OSBPL3: variants seen among roughly 807,000 people sequenced by gnomAD.
The protein encoded by OSBPL3 is oxysterol-binding protein-related protein 3.
In OSBPL3, 65 loss-of-function variants were observed where a neutral mutation model predicts 120.1. The ratio of observed to expected loss-of-function variants is 0.54; its 90% CI spans 0.44 to 0.67. The LOEUF is 0.67. Among genes scored for constraint, OSBPL3 ranks in the 30% least tolerant of loss-of-function variants. The pLI, the probability that OSBPL3 is intolerant of heterozygous loss-of-function variation, is 0.00. For synonymous variants in OSBPL3, 416 were observed against 402.6 expected (o/e 1.03, Z -0.40); for missense variants, 1,004 against 1,082.1 (o/e 0.93, Z 1.01).
At chr7:24,942,504 G>C (rs934071523) in intron 1 of OSBPL3, among the ~76,000 whole-genome samples, 2 of 152,152 alleles carry the variant, frequency 1.3e-5, no homozygotes, top group Non-Finnish European at 2.9e-5. Flanking sequence ...CAGCAGAATA[G>C]GGAATCCTGC....
In OSBPL3 at chr7:24,817,598, C is replaced by A. The variant is rs1468367924; in HGVS notation, c.1949-910G>T. Reference sequence around the variant, plus strand: ...TGTGCACTGAGTGGAAATAATCAGGCCACTGATGTGATTAGACATGGACCT... The same window carrying A: ...TGTGCACTGAGTGGAAATAATCAGGACACTGATGTGATTAGACATGGACCT... On this transcript the variant is annotated intron_variant, in intron 17 of 22. Transcript: ENST00000313367. This position sits in a 1 kb window ranked among gnomAD's most constrained non-coding sequence, Gnocchi z 4.0. 6.6e-6 allele frequency among the ~76,000 whole-genome samples: 1 copy of A among 152,128 alleles called. No homozygotes were observed. Among genetic ancestry groups the A allele is most frequent in the Non-Finnish European group, 1.5e-5 (1 of 68,024 alleles).
In OSBPL3 at chr7:24,803,387, T is replaced by G. The variant is rs892396456; in HGVS notation, c.2567+928A>C. Among the ~76,000 whole-genome samples the G allele has an allele frequency of 6.6e-6, 1 of 152,160 alleles. No homozygotes were observed. The highest frequency in any genetic ancestry group is 2.4e-5 in the African/African-American group (1 of 41,440). On this transcript the variant is annotated intron_variant, in intron 22 of 22. Coordinates refer to ENST00000313367, the MANE Select transcript of OSBPL3 (RefSeq NM_015550.4). This position sits in a 1 kb window ranked among gnomAD's most constrained non-coding sequence, Gnocchi z 4.2. Reference sequence around the variant, plus strand: ...CATTCCAGGGTATTATACCGAGTCCTTCAACAGATCCCCCACCTGCCTTGA... The same window carrying G: ...CATTCCAGGGTATTATACCGAGTCCGTCAACAGATCCCCCACCTGCCTTGA...
rs905178911 is a variant in OSBPL3, at chr7:24,799,516, G to A, written c.*667C>T. 2.0e-5 allele frequency: 3 copies of A among 152,164 alleles called. No individual in the cohort carries two copies. The highest frequency in any genetic ancestry group is 7.2e-5 in the African/African-American group (3 of 41,424). The allele number at this position is 152,164 out of a possible 1,614,324, so 9.4% of individuals were successfully genotyped here. ...TCTCTGAGCAACAGGGTACAATTTTGCATATAAGGCAATAGAACTATAGGG... is the reference window on the plus strand; with the variant it reads ...TCTCTGAGCAACAGGGTACAATTTTACATATAAGGCAATAGAACTATAGGG... On this transcript the variant is annotated 3_prime_UTR_variant, in exon 23 of 23. Coordinates refer to ENST00000313367, the MANE Select transcript of OSBPL3 (RefSeq NM_015550.4). This position sits in a 1 kb window ranked among gnomAD's most constrained non-coding sequence, Gnocchi z 5.3.
rs186141432 is a variant in OSBPL3 at position 24,894,764 on chromosome 7, T to C, written c.-149-2143A>G. Among the ~76,000 whole-genome samples the C allele has an allele frequency of 6.6e-6, 1 of 152,202 alleles. No homozygotes were observed. The highest frequency in any genetic ancestry group is 2.4e-5 in the African/African-American group (1 of 41,526). On this transcript the variant is annotated intron_variant, in intron 1 of 22. Coordinates refer to ENST00000313367, the MANE Select transcript of OSBPL3 (RefSeq NM_015550.4). The surrounding 1 kb of genome is among the most constrained non-coding windows in gnomAD (Gnocchi z 4.1). ...TGTAAAGGGAGAGAAACGTGGGCAA[T>C]AAATGAAAGTTACAGGAATTCTAAA...
chr7:24,818,163 G>T lies in OSBPL3; in HGVS notation c.1949-1475C>A, dbSNP rs904876962. 6.6e-6 allele frequency among the ~76,000 whole-genome samples: 1 copy of T among 152,172 alleles called. No homozygotes were observed. The highest frequency in any genetic ancestry group is 1.5e-5 in the Non-Finnish European group (1 of 68,022). ...GAGAGAAATGGGGCAGGTGGCAGAG[G>T]GGGTGGATAATATTTGCTAAAGAGG... On this transcript the variant is annotated intron_variant, in intron 17 of 22. Coordinates refer to ENST00000313367, the MANE Select transcript of OSBPL3 (RefSeq NM_015550.4). The surrounding 1 kb of genome is among the most constrained non-coding windows in gnomAD (Gnocchi z 4.0).
intron 2 of OSBPL3, among the ~76,000 whole-genome samples, chr7:24,875,876 G>A (rs1802772057): frequency 6.6e-6 from 1 of 152,104 alleles, no homozygotes; most frequent in Non-Finnish European, 1.5e-5. Flanking sequence ...TGGTTACGTG[G>A]ACGACAGGGT....
chr7:24,809,208 T>C (rs1335838789), intron 20 of OSBPL3, among the ~76,000 whole-genome samples: 1 of 152,198 alleles, frequency 6.6e-6, no homozygotes, highest in Non-Finnish European at 1.5e-5. Flanking sequence ...GTTTACAATA[T>C]GACTGTGACT....
chr7:24,816,507 C>T (rs531557731), intron 18 of OSBPL3, 103 bp downstream of exon 18: 8 of 742,474 alleles, frequency 1.1e-5, no homozygotes, highest in Admixed American at 4.2e-5. Context: ...AAAAAATACA[C>T]ACTCAATGCA....
Position 24,918,228 on chromosome 7 carries a change from A to G in OSBPL3, c.-149-25607T>C, listed in dbSNP as rs111383008. The G allele has an allele frequency of 9.3e-3, 1,768 of 190,228 alleles. 33 individuals carry two copies. The highest frequency in any genetic ancestry group is 0.039 in the African/African-American group (1,660 of 42,210). The allele number at this position is 190,228 out of a possible 1,614,324, so 11.8% of individuals were successfully genotyped here. On this transcript the variant is annotated intron_variant, in intron 1 of 22. Coordinates refer to ENST00000313367, the MANE Select transcript of OSBPL3 (RefSeq NM_015550.4). This position sits in a 1 kb window ranked among gnomAD's most constrained non-coding sequence, Gnocchi z 4.3. ...TGACCATCACATAAACACCATAGCAATGTTCAGAAGCTGGCAGTGTGCTTT... is the reference window on the plus strand; with the variant it reads ...TGACCATCACATAAACACCATAGCAGTGTTCAGAAGCTGGCAGTGTGCTTT...
chr7:24,811,807 T>C (rs1194151388), intron 19 of OSBPL3, among the ~76,000 whole-genome samples: 1 of 152,246 alleles, frequency 6.6e-6, no homozygotes, highest in Admixed American at 6.5e-5. Context: ...CAATTAATTA[T>C]AAATGCATGG....
chr7:24,892,343 T>C (rs566305480), intron 2 of OSBPL3, 34 bp downstream of exon 2: 1 of 1,602,872 alleles, frequency 6.2e-7, no homozygotes, highest in Non-Finnish European at 8.5e-7. Flanking sequence ...TGGCTTACAT[T>C]TGCATATTAA....
intron 1 of OSBPL3, among the ~76,000 whole-genome samples, chr7:24,905,902 G>A (rs1434220385): frequency 1.3e-5 from 2 of 152,058 alleles, no homozygotes; most frequent in Non-Finnish European, 2.9e-5. Context: ...TGTGGTGGCG[G>A]GGACCTGTAA....
rs529181266 is a variant in OSBPL3, at chr7:24,856,395, C to T, written c.1028-3761G>A. Among the ~76,000 whole-genome samples, 5 of 152,206 alleles carry T rather than the reference C, an allele frequency of 3.3e-5. No individual in the cohort carries two copies. The South Asian group carries it at 6.2e-4, about 19-fold the overall frequency. On this transcript the variant is annotated intron_variant, in intron 10 of 22. Transcript: ENST00000313367. The stretch of plus-strand genomic sequence containing the variant: ...TGGATAGTGAGAGTCAATACTCTCA[C>T]TATCAATGTATCTCAATTTATCTGA...
At chr7:24,978,850 G>A (rs559335562) in intron 1 of OSBPL3, among the ~76,000 whole-genome samples, 32 of 152,368 alleles carry the variant, frequency 2.1e-4, no homozygotes, top group Non-Finnish European at 4.0e-4. Flanking sequence ...TCAGCTCCAA[G>A]AGTCCCGACT....
At chr7:24,902,734 T>TAATAATAATAATAAA (rs998538835) in intron 1 of OSBPL3, among the ~76,000 whole-genome samples, 4 of 147,106 alleles carry the variant, frequency 2.7e-5, no homozygotes, top group South Asian at 2.1e-4. Flanking sequence ...ATAATAATAA[T>TAATAATAATAATAAA]AAAGAAAGGA....
chr7:24,942,612 C>A (rs1813233746), intron 1 of OSBPL3, among the ~76,000 whole-genome samples: 1 of 152,182 alleles, frequency 6.6e-6, no homozygotes, highest in Non-Finnish European at 1.5e-5. Context: ...ATGGTGATGG[C>A]CATTTTTCTT....
In OSBPL3 at chr7:24,947,470, G is replaced by A. The variant is rs1331501965; in HGVS notation, c.-150+32416C>T. 6.6e-6 allele frequency among the ~76,000 whole-genome samples: 1 copy of A among 152,120 alleles called. No individual in the cohort carries two copies. The highest frequency in any genetic ancestry group is 1.5e-5 in the Non-Finnish European group (1 of 68,014). On this transcript the variant is annotated intron_variant, in intron 1 of 22. Coordinates refer to ENST00000313367, the MANE Select transcript of OSBPL3 (RefSeq NM_015550.4). This position sits in a 1 kb window ranked among gnomAD's most constrained non-coding sequence, Gnocchi z 4.4. ...CCTGACTGCTGCTTTTGCTCCCCAC[G>A]TGACTACCCCTGAAAGCTGCATATT...
chr7:24,897,930 T>C (rs1313665877), intron 1 of OSBPL3, among the ~76,000 whole-genome samples: 1 of 152,190 alleles, frequency 6.6e-6, no homozygotes, highest in Non-Finnish European at 1.5e-5. Context: ...GCTTCCATAG[T>C]TGGAAACGAC....
rs1811658960 is a variant in OSBPL3, at chr7:24,930,532, C to A, written c.-149-37911G>T. Among the ~76,000 whole-genome samples, 1 of 151,920 alleles carries A rather than the reference C, an allele frequency of 6.6e-6. No individual in the cohort carries two copies. The highest frequency in any genetic ancestry group is 1.5e-5 in the Non-Finnish European group (1 of 67,930). On this transcript the variant is annotated intron_variant, in intron 1 of 22. Coordinates refer to ENST00000313367, the MANE Select transcript of OSBPL3 (RefSeq NM_015550.4). This position sits in a 1 kb window ranked among gnomAD's most constrained non-coding sequence, Gnocchi z 4.4. ...TCTATTTCAATAGGAATGGGGGACACTGAGTTGCAGCTAAAAAAAGATCAC... is the reference window on the plus strand; with the variant it reads ...TCTATTTCAATAGGAATGGGGGACAATGAGTTGCAGCTAAAAAAAGATCAC...
Sources: allele counts gnomAD v4.1 joint callset (sites outside exome capture counted in the v4.1 genomes callset), GRCh38; gene constraint gnomAD v4.1.1; non-coding constraint Gnocchi (gnomAD v3.1); transcripts MANE v1.5; gene names NCBI Gene and HGNC (gene_info 2026-07-23, HGNC 2026-07-21).